Variants in SAMTOR observed in about 807,000 individuals in gnomAD.
The protein encoded by SAMTOR is UPF0532 protein C7orf60.
the SAMTOR span, among the ~76,000 whole-genome samples, chr7:112,852,313 A>G: frequency 6.6e-6 from 1 of 152,144 alleles, no homozygotes; most frequent in East Asian, 1.9e-4. Flanking sequence ...TTGCAGCAGT[A>G]TGAATGGAAC....
the SAMTOR span, among the ~76,000 whole-genome samples, chr7:112,857,301 C>T: frequency 1.4e-5 from 2 of 148,012 alleles, no homozygotes; most frequent in African/African-American, 5.2e-5. Flanking sequence ...CCTTGTTAGC[C>T]AGGATGGTCT....
the SAMTOR span, among the ~76,000 whole-genome samples, chr7:112,881,535 C>T: frequency 3.9e-5 from 6 of 152,282 alleles, no homozygotes; most frequent in African/African-American, 9.6e-5. Flanking sequence ...CTACCAGCTG[C>T]GGTAAGGAGC....
At chr7:112,832,969 G>T in the SAMTOR span, among the ~76,000 whole-genome samples, 7 of 152,190 alleles carry the variant, frequency 4.6e-5, no homozygotes, top group East Asian at 1.4e-3. Context: ...TTGAGACAAG[G>T]TCTTGCTGTA....
At chr7:112,927,808 T>A in the SAMTOR span, among the ~76,000 whole-genome samples, 2 of 152,054 alleles carry the variant, frequency 1.3e-5, no homozygotes, top group Non-Finnish European at 2.9e-5. Context: ...TATTTAGTTA[T>A]CCCATAACAT....
At chr7:112,858,211 T>C in the SAMTOR span, among the ~76,000 whole-genome samples, 2 of 152,070 alleles carry the variant, frequency 1.3e-5, no homozygotes, top group Non-Finnish European at 2.9e-5. Context: ...AAAATGAAAA[T>C]ATTTAGTAAG....
At chr7:112,844,976 A>T in the SAMTOR span, among the ~76,000 whole-genome samples, 11 of 152,314 alleles carry the variant, frequency 7.2e-5, no homozygotes, top group African/African-American at 2.2e-4. Flanking sequence ...GACAAAGCTG[A>T]CAAAAACAAG....
At chr7:112,881,135 G>A in the SAMTOR span, among the ~76,000 whole-genome samples, 5 of 152,218 alleles carry the variant, frequency 3.3e-5, no homozygotes, top group African/African-American at 7.2e-5. Context: ...GTTGTGGGCC[G>A]AGTCCAGGCA....
At chr7:112,863,001 T>G in the SAMTOR span, among the ~76,000 whole-genome samples, 5 of 151,860 alleles carry the variant, frequency 3.3e-5, no homozygotes, top group African/African-American at 1.2e-4. Flanking sequence ...CTGATGAAAC[T>G]CTGGCATCAC....
At chr7:112,925,438 G>A in the SAMTOR span, among the ~76,000 whole-genome samples, 1 of 152,126 alleles carries the variant, frequency 6.6e-6, no homozygotes, top group East Asian at 1.9e-4. Flanking sequence ...ATATACCTGG[G>A]AAAAGCTATG....
the SAMTOR span, among the ~76,000 whole-genome samples, chr7:112,874,622 T>C: frequency 6.6e-6 from 1 of 152,130 alleles, no homozygotes; most frequent in Non-Finnish European, 1.5e-5. Context: ...CAAGTACCCC[T>C]TGAATCTAAA....
the SAMTOR span, among the ~76,000 whole-genome samples, chr7:112,907,245 A>G: frequency 6.6e-6 from 1 of 152,176 alleles, no homozygotes; most frequent in Non-Finnish European, 1.5e-5. Context: ...AAGAAAAGGT[A>G]AAGTTTTTAA....
the SAMTOR span, among the ~76,000 whole-genome samples, chr7:112,875,857 C>T: frequency 6.2e-4 from 94 of 152,280 alleles, 3 homozygotes; most frequent in South Asian, 0.017. Flanking sequence ...TCTAAAGTTC[C>T]ACAGTTGAAG....
At chr7:112,851,456 C>T in the SAMTOR span, among the ~76,000 whole-genome samples, 1 of 152,086 alleles carries the variant, frequency 6.6e-6, no homozygotes, top group Non-Finnish European at 1.5e-5. Context: ...AAAAAGCCTA[C>T]TCAGTCAATA....
chr7:112,874,170 T>C, the SAMTOR span, among the ~76,000 whole-genome samples: 1 of 152,144 alleles, frequency 6.6e-6, no homozygotes, highest in Non-Finnish European at 1.5e-5. Flanking sequence ...AGAACTACCA[T>C]TTGACCCATC....
At chr7:112,844,514 A>G in the SAMTOR span, among the ~76,000 whole-genome samples, 1 of 152,054 alleles carries the variant, frequency 6.6e-6, no homozygotes, top group Non-Finnish European at 1.5e-5. Context: ...TTGGCATAAA[A>G]AGAATGAAAT....
the SAMTOR span, among the ~76,000 whole-genome samples, chr7:112,878,897 A>G: frequency 6.6e-6 from 1 of 152,166 alleles, no homozygotes; most frequent in Non-Finnish European, 1.5e-5. Flanking sequence ...CTGGAAAAAG[A>G]GACTACTTAG....
At chr7:112,847,947 C>G in the SAMTOR span, among the ~76,000 whole-genome samples, 1 of 152,046 alleles carries the variant, frequency 6.6e-6, no homozygotes, top group Non-Finnish European at 1.5e-5. Flanking sequence ...AAGACCAGCA[C>G]AGACCACATA....
the SAMTOR span, among the ~76,000 whole-genome samples, chr7:112,823,598 G>C: frequency 1.3e-5 from 2 of 152,106 alleles, no homozygotes; most frequent in Non-Finnish European, 2.9e-5. Flanking sequence ...GTTGTTTCTA[G>C]TTTTGGTTAT....
the SAMTOR span, among the ~76,000 whole-genome samples, chr7:112,871,961 A>G: frequency 1.3e-5 from 2 of 152,216 alleles, no homozygotes; most frequent in Non-Finnish European, 2.9e-5. Flanking sequence ...GAAACCCTGA[A>G]GAGACCAATG....
Sources: gnomAD v4.1 joint callset for allele counts (sites outside exome capture counted in the v4.1 genomes callset) on GRCh38, gnomAD v4.1.1 for gene constraint, MANE v1.5 for transcripts, NCBI Gene and HGNC (gene_info 2026-07-23, HGNC 2026-07-21) for gene names.